The following HPSE2 variants were observed in gnomAD, a reference collection of about 807,000 sequenced individuals.
HPSE2 encodes inactive heparanase-2.
Under a neutral mutation model 60.5 loss-of-function variants are expected in HPSE2, and 38 were observed. The ratio of observed to expected loss-of-function variants is 0.63; its 90% confidence interval spans 0.48 to 0.82. The LOEUF is 0.82. Among genes scored for constraint, HPSE2 ranks in the 40% least tolerant of loss-of-function variants. The pLI, the probability that HPSE2 is intolerant of heterozygous loss-of-function variation, is 0.00. For synonymous variants in HPSE2, 295 were observed against 293.2 expected (o/e 1.01, Z -0.06); for missense variants, 713 against 740.4 (o/e 0.96, Z 0.43).
chr10:98,605,783 G>A (rs1238505271), intron 9 of HPSE2, among the ~76,000 whole-genome samples: 1 of 152,248 alleles, frequency 6.6e-6, no homozygotes, highest in Non-Finnish European at 1.5e-5. Flanking sequence ...GCCTGCCTCT[G>A]TGCCTGGCAG....
intron 6 of HPSE2, among the ~76,000 whole-genome samples, chr10:98,675,579 A>ACACACACACACAC (rs59595985): frequency 1.6e-5 from 2 of 122,244 alleles, no homozygotes; most frequent in Non-Finnish European, 3.5e-5. Flanking sequence ...CACACACACA[A>ACACACACACACAC]TAACCAGCCA....
At chr10:99,220,189 A>G (rs183151572) in intron 2 of HPSE2, among the ~76,000 whole-genome samples, 14 of 152,332 alleles carry the variant, frequency 9.2e-5, no homozygotes, top group Non-Finnish European at 1.5e-5. Context: ...AAGATGGATA[A>G]TGGTGTTTAA....
intron 3 of HPSE2, among the ~76,000 whole-genome samples, chr10:99,141,550 A>G (rs1186047547): frequency 6.6e-6 from 1 of 152,260 alleles, no homozygotes; most frequent in Non-Finnish European, 1.5e-5. Context: ...AACGAAGTAT[A>G]TATATTAAAT....
chr10:98,480,625 G>A (rs1376634306), intron 11 of HPSE2, among the ~76,000 whole-genome samples: 1 of 152,148 alleles, frequency 6.6e-6, no homozygotes, highest in African/African-American at 2.4e-5. Context: ...TCCTTGGTTG[G>A]AGGGAAAATA....
chr10:99,100,058 A>G (rs1843889423), intron 3 of HPSE2, among the ~76,000 whole-genome samples: 1 of 152,244 alleles, frequency 6.6e-6, no homozygotes, highest in African/African-American at 2.4e-5. Flanking sequence ...AGAGCAGAAA[A>G]GCTGAAAATT....
chr10:98,992,841 A>AGCAC (rs1186715125), intron 3 of HPSE2, among the ~76,000 whole-genome samples: 2 of 152,218 alleles, frequency 1.3e-5, no homozygotes, highest in Non-Finnish European at 2.9e-5. Context: ...GAAGTTAGAC[A>AGCAC]GCACTGGGTT....
chr10:98,495,378 T>C (rs1045146677), intron 9 of HPSE2, among the ~76,000 whole-genome samples: 14 of 152,154 alleles, frequency 9.2e-5, no homozygotes, highest in African/African-American at 3.4e-4. Flanking sequence ...ATTCATCTTA[T>C]TTAGAATTCA....
At chr10:99,022,953 G>A (rs1163042761) in intron 3 of HPSE2, among the ~76,000 whole-genome samples, 1 of 152,102 alleles carries the variant, frequency 6.6e-6, no homozygotes, top group East Asian at 1.9e-4. Flanking sequence ...AACACCCTCT[G>A]CTTGAGAAAA....
intron 3 of HPSE2, among the ~76,000 whole-genome samples, chr10:99,139,235 G>C (rs1845775571): frequency 6.6e-6 from 1 of 152,064 alleles, no homozygotes; most frequent in Admixed American, 6.6e-5. Flanking sequence ...GCTAAGCTAT[G>C]GGTTTGCAAA....
chr10:99,238,239 A>G (rs1255000789), upstream of HPSE2, among the ~76,000 whole-genome samples: 2 of 152,212 alleles, frequency 1.3e-5, no homozygotes, highest in Non-Finnish European at 2.9e-5. Context: ...AATGGAAGAC[A>G]ATTTGAATAC....
intron 3 of HPSE2, among the ~76,000 whole-genome samples, chr10:98,908,183 A>G (rs1953876829): frequency 1.3e-5 from 2 of 152,198 alleles, no homozygotes; most frequent in African/African-American, 4.8e-5. Context: ...TAATCATATA[A>G]GGTAGGTAGA....
At chr10:98,967,525 G>C (rs762606011) in intron 3 of HPSE2, among the ~76,000 whole-genome samples, 3 of 151,926 alleles carry the variant, frequency 2.0e-5, no homozygotes, top group Non-Finnish European at 4.4e-5. Flanking sequence ...CGTTTTATTT[G>C]GTTTCTCGAT....
intron 9 of HPSE2, among the ~76,000 whole-genome samples, chr10:98,543,230 G>C (rs372944975): frequency 6.6e-6 from 1 of 152,050 alleles, no homozygotes; most frequent in Non-Finnish European, 1.5e-5. Context: ...GCCAAACTAA[G>C]CTTCATAAGT....
rs573593723 is a variant in HPSE2, at chr10:98,479,429, G to C, written c.1613+3207C>G. ...CACCAAAGGCTGAAATCACTTCCTA[G>C]CATTTTCTTTCATCCCTTTCTGCAC... is the stretch of plus-strand genomic sequence containing the variant. On this transcript the variant is annotated intron_variant, in intron 11 of 11. Coordinates refer to ENST00000370552, the MANE Select transcript of HPSE2 (RefSeq NM_021828.5). Among the ~76,000 whole-genome samples the C allele has an allele frequency of 1.6e-4, 25 of 152,284 alleles. No homozygotes were observed. The South Asian group carries it at 4.6e-3, about 28-fold the overall frequency.
rs534882413 is a variant in HPSE2, at chr10:98,566,423, T to C, written c.1320+48481A>G. Among the ~76,000 whole-genome samples the C allele has an allele frequency of 2.0e-5, 3 of 152,292 alleles. No homozygotes were observed. The East Asian group carries it at 5.8e-4, about 29-fold the overall frequency. ...TTGAACAGGGGGATTTTGGCCACCA[T>C]TGCACATGCACGGGAGGCATTTGGG... On this transcript the variant is annotated intron_variant, in intron 9 of 11. Transcript: ENST00000370552.
intron 3 of HPSE2, among the ~76,000 whole-genome samples, chr10:99,026,785 A>G (rs530233434): frequency 6.6e-6 from 1 of 152,320 alleles, no homozygotes; most frequent in South Asian, 2.1e-4. Flanking sequence ...CCTGACCACA[A>G]TAGAATAAAA....
chr10:98,838,723 C>T (rs1951848241), intron 3 of HPSE2, among the ~76,000 whole-genome samples: 1 of 152,098 alleles, frequency 6.6e-6, no homozygotes, highest in African/African-American at 2.4e-5. Context: ...TAAGCCACTA[C>T]ACCTGGCCTG....
intron 3 of HPSE2, among the ~76,000 whole-genome samples, chr10:98,766,263 C>A (rs1185965685): frequency 1.3e-5 from 2 of 152,182 alleles, no homozygotes; most frequent in East Asian, 1.9e-4. Context: ...ATATATCTAC[C>A]AAGGAAATTG....
intron 2 of HPSE2, among the ~76,000 whole-genome samples, chr10:99,148,658 C>T (rs1484854697): frequency 2.6e-5 from 4 of 151,984 alleles, no homozygotes; most frequent in Admixed American, 2.0e-4. Context: ...GGCATGGTGG[C>T]GCATGCCTGT....
Sources: allele counts gnomAD v4.1 joint callset (sites outside exome capture counted in the v4.1 genomes callset), GRCh38; gene constraint gnomAD v4.1.1; transcripts MANE v1.5; gene names NCBI Gene and HGNC (gene_info 2026-07-23, HGNC 2026-07-21).